TMPRSS11E: variants seen among roughly 807,000 people sequenced by gnomAD.
The protein encoded by TMPRSS11E is transmembrane serine protease 11E.
In TMPRSS11E, 38 loss-of-function variants were observed where a neutral mutation model predicts 48.1. The ratio of observed to expected loss-of-function variants is 0.79; its 90% CI spans 0.61 to 1.04. The LOEUF is 1.04. Among genes scored for constraint, TMPRSS11E ranks in the 50% least tolerant of loss-of-function variants. The pLI is 0.00. For synonymous variants in TMPRSS11E, 158 were observed against 171.9 expected, an observed-to-expected ratio of 0.92 and a Z score of 0.63; for missense variants, 530 against 510.8, an observed-to-expected ratio of 1.04 and a Z score of -0.36.
chr4:68,496,918 C>G lies in TMPRSS11E; in HGVS notation c.*114C>G. 1 of 1,057,718 alleles carries G rather than the reference C, an allele frequency of 9.5e-7. No individual in the cohort carries two copies. The highest frequency in any genetic ancestry group is 1.4e-6 in the Non-Finnish European group (1 of 718,058). 65.5% of individuals were successfully genotyped at this position (1,057,718 alleles called of 1,614,324 possible). The stretch of plus-strand genomic sequence containing the variant: ...TGCAAAACAGCTAGATTTGACTGAT[C>G]TCAATAAACTGTTTGCTTGATGCAT... On this transcript the variant is annotated 3_prime_UTR_variant, in exon 10 of 10. Transcript: ENST00000305363.
chr4:68,479,424 A>G (rs1377869), intron 9 of TMPRSS11E, among the ~76,000 whole-genome samples: 49,091 of 150,854 alleles, frequency 0.33, 8,722 homozygotes, highest in East Asian at 0.77. Flanking sequence ...ATCTATTGGT[A>G]TTTTTGGCTT....
chr4:68,495,449 T>G (rs1188191592), intron 9 of TMPRSS11E, among the ~76,000 whole-genome samples: 1 of 152,236 alleles, frequency 6.6e-6, no homozygotes, highest in African/African-American at 2.4e-5. Flanking sequence ...TTGAATAGCT[T>G]CATATGGCAT....
intron 4 of TMPRSS11E, among the ~76,000 whole-genome samples, chr4:68,469,480 T>G (rs1220624646): frequency 6.6e-6 from 1 of 151,940 alleles, no homozygotes; most frequent in Non-Finnish European, 1.5e-5. Flanking sequence ...ATAATACAAA[T>G]TATTTGTATT....
intron 5 of TMPRSS11E, 74 bp from the exon 6 acceptor site, chr4:68,474,649 T>C: frequency 7.4e-7 from 1 of 1,347,300 alleles, no homozygotes; most frequent in Non-Finnish European, 1.0e-6. Context: ...AGCAGCCTTT[T>C]AGTATTTGAA....
intron 9 of TMPRSS11E, among the ~76,000 whole-genome samples, chr4:68,479,281 T>A (rs937524910): frequency 2.0e-4 from 30 of 152,060 alleles, no homozygotes; most frequent in African/African-American, 7.2e-4. Context: ...AAGACCTACC[T>A]TTTTCCCTCC....
chr4:68,493,572 T>C (rs1729789244), intron 9 of TMPRSS11E, among the ~76,000 whole-genome samples: 1 of 152,146 alleles, frequency 6.6e-6, no homozygotes, highest in East Asian at 1.9e-4. Context: ...ATTTAAGCTA[T>C]TCTCTCGCCT....
chr4:68,468,473 A>G (rs1042770988), intron 3 of TMPRSS11E, among the ~76,000 whole-genome samples: 1 of 152,118 alleles, frequency 6.6e-6, no homozygotes, highest in African/African-American at 2.4e-5. Context: ...AGCATTTGAC[A>G]TGGTCATGCA....
chr4:68,458,191 C>T (rs1407684246), intron 1 of TMPRSS11E, among the ~76,000 whole-genome samples: 1 of 152,114 alleles, frequency 6.6e-6, no homozygotes, highest in African/African-American at 2.4e-5. Context: ...TTTTCCAGTG[C>T]TTGCCATTAG....
At chr4:68,469,070 G>A (rs1289887417) in intron 4 of TMPRSS11E, 124 bp downstream of exon 4, 1 of 816,716 alleles carries the variant, frequency 1.2e-6, no homozygotes, top group Non-Finnish European at 2.0e-6. Flanking sequence ...CACTTGTCCT[G>A]TGTAAGTCAT....
At chr4:68,492,073 T>C (rs1447435590) in intron 9 of TMPRSS11E, among the ~76,000 whole-genome samples, 1 of 152,226 alleles carries the variant, frequency 6.6e-6, no homozygotes, top group Non-Finnish European at 1.5e-5. Context: ...TTTTTCTGTG[T>C]TTCCTAATTG....
intron 5 of TMPRSS11E, among the ~76,000 whole-genome samples, chr4:68,473,441 C>T (rs539938160): frequency 6.4e-4 from 98 of 152,090 alleles, no homozygotes; most frequent in African/African-American, 2.3e-3. Flanking sequence ...CTTGCTGAAC[C>T]CCTGTGGATT....
chr4:68,491,952 G>A (rs897473889), intron 9 of TMPRSS11E, among the ~76,000 whole-genome samples: 1 of 151,982 alleles, frequency 6.6e-6, no homozygotes, highest in Non-Finnish European at 1.5e-5. Flanking sequence ...TTTTACCTTT[G>A]GGTTAGTCGT....
At chr4:68,477,095 G>A (rs536894911) in intron 7 of TMPRSS11E, among the ~76,000 whole-genome samples, 1 of 152,030 alleles carries the variant, frequency 6.6e-6, no homozygotes, top group East Asian at 1.9e-4. Flanking sequence ...ACTTTCCATA[G>A]GTCCCTTGGA....
chr4:68,495,706 G>A (rs973819869), intron 9 of TMPRSS11E, among the ~76,000 whole-genome samples: 6 of 152,102 alleles, frequency 3.9e-5, no homozygotes, highest in African/African-American at 7.2e-5. Flanking sequence ...GAATTAGATC[G>A]CTCTGGATTC....
intron 1 of TMPRSS11E, among the ~76,000 whole-genome samples, chr4:68,448,869 T>A (rs1375439358): frequency 6.6e-6 from 1 of 151,822 alleles, no homozygotes; most frequent in Non-Finnish European, 1.5e-5. Flanking sequence ...GTTAAGAGCA[T>A]GTACTAGAGC....
At chr4:68,492,466 A>G (rs966249966) in intron 9 of TMPRSS11E, among the ~76,000 whole-genome samples, 1 of 152,190 alleles carries the variant, frequency 6.6e-6, no homozygotes, top group Non-Finnish European at 1.5e-5. Flanking sequence ...ACATAGTGCT[A>G]CATTTTTCAC....
intron 1 of TMPRSS11E, among the ~76,000 whole-genome samples, chr4:68,452,146 G>A (rs1270667556): frequency 6.6e-6 from 1 of 151,850 alleles, no homozygotes; most frequent in African/African-American, 2.4e-5. Flanking sequence ...AGTCAGTCAA[G>A]ACAGAGATGT....
At chr4:68,494,972 C>A (rs780179014) in intron 9 of TMPRSS11E, among the ~76,000 whole-genome samples, 3 of 152,068 alleles carry the variant, frequency 2.0e-5, no homozygotes, top group Admixed American at 1.3e-4. Context: ...TAAAACAGTG[C>A]CCCAAATGTG....
chr4:68,490,762 T>TTTA (rs1382416602), intron 9 of TMPRSS11E, among the ~76,000 whole-genome samples: 1 of 138,860 alleles, frequency 7.2e-6, no homozygotes, highest in Non-Finnish European at 1.5e-5. Context: ...TTTTTTTTTT[T>TTTA]TTTTTTTTTT....
Sources: gnomAD v4.1 joint callset for allele counts (sites outside exome capture counted in the v4.1 genomes callset) on GRCh38, gnomAD v4.1.1 for gene constraint, MANE v1.5 for transcripts, NCBI Gene and HGNC (gene_info 2026-07-23, HGNC 2026-07-21) for gene names.